The following RASSF8 variants were observed in gnomAD, a reference collection of about 807,000 sequenced individuals.
RASSF8 encodes Ras association domain family member 8, also known as ras association domain-containing protein 8.
Under a neutral mutation model 48.5 loss-of-function variants are expected in RASSF8, and 22 were observed. The ratio of observed to expected loss-of-function variants is 0.45; its 90% CI spans 0.32 to 0.65. The LOEUF is 0.65. RASSF8 is among the 30% of genes least tolerant of loss of function. The probability of loss-of-function intolerance (pLI) is 0.03; values close to 1 mark genes in which losing one functional copy is unlikely to be tolerated. For missense variants in RASSF8, 418 were observed against 489.2 expected, an observed-to-expected ratio of 0.85 and a Z score of 1.37; for synonymous variants, 127 against 171.5, an observed-to-expected ratio of 0.74 and a Z score of 2.03.
At chr12:25,995,506 G>C (rs1333608325) in intron 2 of RASSF8, among the ~76,000 whole-genome samples, 1 of 152,178 alleles carries the variant, frequency 6.6e-6, no homozygotes, top group Non-Finnish European at 1.5e-5. Context: ...TTAAAGCAGA[G>C]AAGTATTTCT....
intron 2 of RASSF8, among the ~76,000 whole-genome samples, chr12:26,044,926 T>A (rs908267563): frequency 6.6e-6 from 1 of 152,172 alleles, no homozygotes; most frequent in Non-Finnish European, 1.5e-5. Context: ...AAAAGCATTA[T>A]TTGTTTTATT....
chr12:26,024,692 C>CA (rs1942864792), intron 2 of RASSF8, among the ~76,000 whole-genome samples: 1 of 152,214 alleles, frequency 6.6e-6, no homozygotes. Flanking sequence ...CGCTGTGGCT[C>CA]ACGCCCGTAA....
intron 1 of RASSF8, among the ~76,000 whole-genome samples, chr12:25,986,275 G>A (rs1795358180): frequency 6.6e-6 from 1 of 152,198 alleles, no homozygotes; most frequent in Admixed American, 6.5e-5. Context: ...AAACCTGCCA[G>A]TGACAATTTT....
chr12:25,997,188 CAAT>C (rs1942153017), intron 2 of RASSF8, among the ~76,000 whole-genome samples: 1 of 152,058 alleles, frequency 6.6e-6, no homozygotes, highest in Non-Finnish European at 1.5e-5. Context: ...TTGGGTAAAA[CAAT>C]AAATTTTACA....
chr12:25,991,288 A>G (rs1204473995), intron 1 of RASSF8, among the ~76,000 whole-genome samples: 1 of 152,200 alleles, frequency 6.6e-6, no homozygotes, highest in Non-Finnish European at 1.5e-5. Flanking sequence ...AGTGTTTAGA[A>G]ATTACAATAA....
intron 4 of RASSF8, 142 bp downstream of exon 4, chr12:26,065,529 T>G: frequency 2.7e-6 from 3 of 1,107,508 alleles, no homozygotes; most frequent in Non-Finnish European, 3.8e-6. Context: ...CGAACTCTTG[T>G]GACTTACGAC....
At chr12:25,969,356 A>G (rs1315747297) in intron 1 of RASSF8, among the ~76,000 whole-genome samples, 1 of 152,208 alleles carries the variant, frequency 6.6e-6, no homozygotes, top group East Asian at 1.9e-4. Context: ...TGGAGATAGT[A>G]ATGATACCTG....
At chr12:25,967,333 T>A (rs1156656276) in intron 1 of RASSF8, among the ~76,000 whole-genome samples, 2 of 152,246 alleles carry the variant, frequency 1.3e-5, no homozygotes, top group Non-Finnish European at 2.9e-5. Flanking sequence ...AGTCTGGTGA[T>A]GAGGGTACAT....
At chr12:25,984,244 T>TTC (rs1555159994) in intron 1 of RASSF8, among the ~76,000 whole-genome samples, 26 of 130,794 alleles carry the variant, frequency 2.0e-4, no homozygotes, top group South Asian at 5.1e-4. Flanking sequence ...TTTTTTTTTT[T>TTC]TTTTTTAGTT....
chr12:25,969,712 T>C (rs2136853672), intron 1 of RASSF8, among the ~76,000 whole-genome samples: 1 of 152,274 alleles, frequency 6.6e-6, no homozygotes, highest in South Asian at 2.1e-4. Context: ...TTTGCTGCCT[T>C]GTCTGCTCCC....
intron 1 of RASSF8, among the ~76,000 whole-genome samples, chr12:25,978,377 G>T (rs951105824): frequency 1.3e-5 from 2 of 152,168 alleles, no homozygotes; most frequent in African/African-American, 4.8e-5. Flanking sequence ...GTCACAAACC[G>T]CCACATTCCC....
intron 2 of RASSF8, among the ~76,000 whole-genome samples, chr12:26,015,613 A>G (rs529562433): frequency 3.3e-5 from 5 of 152,142 alleles, no homozygotes; most frequent in Admixed American, 1.3e-4. Flanking sequence ...GTAAGATTAT[A>G]CTTGAAGTTA....
chr12:26,023,821 G>A (rs1187856238), intron 2 of RASSF8, among the ~76,000 whole-genome samples: 1 of 152,144 alleles, frequency 6.6e-6, no homozygotes, highest in Admixed American at 6.5e-5. Flanking sequence ...AAAAGATGGA[G>A]ATGTAATATA....
intron 1 of RASSF8, among the ~76,000 whole-genome samples, chr12:25,974,496 C>T (rs1167539): frequency 8.3e-5 from 6 of 72,126 alleles, no homozygotes; most frequent in African/African-American, 3.2e-4. Flanking sequence ...TACTAAAATA[C>T]CTTTTTTTTT....
In RASSF8 at chr12:26,070,828, A is replaced by G. The variant is rs1210821868; in HGVS notation, c.*2010A>G. On this transcript the variant is annotated 3_prime_UTR_variant, in exon 6 of 6. Coordinates refer to ENST00000689635, the MANE Select transcript of RASSF8 (RefSeq NM_001394098.1). Reference sequence around the variant, plus strand: ...ACTGGAGGCAGTATTAAACTTTGCAATTAGGAGTTTCAGAGATGCCTTGGC... The same window carrying G: ...ACTGGAGGCAGTATTAAACTTTGCAGTTAGGAGTTTCAGAGATGCCTTGGC... The G allele has an allele frequency of 3.1e-6, 3 of 983,388 alleles. No homozygotes were observed. The highest frequency in any genetic ancestry group is 6.2e-5 in the Admixed American group (1 of 16,250). 60.9% of individuals were successfully genotyped at this position (983,388 alleles called of 1,614,324 possible). A position where few individuals can be genotyped will look rare whatever the true frequency, so the allele number is the denominator to read the frequency against.
At chr12:25,989,673 C>T (rs934983747) in intron 1 of RASSF8, among the ~76,000 whole-genome samples, 2 of 152,240 alleles carry the variant, frequency 1.3e-5, no homozygotes, top group African/African-American at 2.4e-5. Flanking sequence ...CCCTTCTCCT[C>T]TGCCACTCTT....
intron 2 of RASSF8, among the ~76,000 whole-genome samples, chr12:26,054,791 A>T (rs1284665979): frequency 6.6e-6 from 1 of 152,218 alleles, no homozygotes; most frequent in Non-Finnish European, 1.5e-5. Context: ...ATACTTTGAC[A>T]ACTGTTCTTA....
chr12:25,996,589 T>C (rs1565610325), intron 2 of RASSF8, among the ~76,000 whole-genome samples: 1 of 152,216 alleles, frequency 6.6e-6, no homozygotes, highest in Admixed American at 6.5e-5. Flanking sequence ...GGATTGCTGC[T>C]GAAGAGTTTT....
At chr12:26,078,430 A>G (rs1944089585) in intron 5 of RASSF8, among the ~76,000 whole-genome samples, 1 of 152,194 alleles carries the variant, frequency 6.6e-6, no homozygotes, top group Non-Finnish European at 1.5e-5. Context: ...GGCTTCAGTG[A>G]GAGAGGTCTG....
Sources: allele counts gnomAD v4.1 joint callset (sites outside exome capture counted in the v4.1 genomes callset), GRCh38; gene constraint gnomAD v4.1.1; transcripts MANE v1.5; gene names NCBI Gene and HGNC (gene_info 2026-07-23, HGNC 2026-07-21).